FOXO3B: variants seen among roughly 807,000 people sequenced by gnomAD.
FOXO3B encodes forkhead box protein O3B.
Under a neutral mutation model 21.9 loss-of-function variants are expected in FOXO3B, and 15 were observed. The observed-to-expected ratio is 0.68, with a 90% CI of 0.46 to 1.05. The LOEUF is 1.05. Among genes scored for constraint, FOXO3B ranks in the 50% least tolerant of loss-of-function variants. The pLI, the probability that FOXO3B is intolerant of heterozygous loss-of-function variation, is 0.00. For synonymous variants in FOXO3B, 135 were observed against 213.6 expected, an observed-to-expected ratio of 0.63 and a Z score of 3.21; for missense variants, 293 against 435.5, an observed-to-expected ratio of 0.67 and a Z score of 2.91.
At chr17:18,678,953 C>A (rs1338289805) in intron 3 of FOXO3B, among the ~76,000 whole-genome samples, 1 of 151,794 alleles carries the variant, frequency 6.6e-6, no homozygotes, top group Non-Finnish European at 1.5e-5. Context: ...TCAATCCCAG[C>A]ACTTCTGCAA....
intron 3 of FOXO3B, among the ~76,000 whole-genome samples, chr17:18,675,654 G>C (rs969804655): frequency 3.9e-5 from 6 of 152,084 alleles, no homozygotes; most frequent in Non-Finnish European, 4.4e-5. Flanking sequence ...GTAAACCAGA[G>C]AGACAAGAAA....
In FOXO3B at chr17:18,670,786, A is replaced by G. The variant is rs2032349502; in HGVS notation, c.*1523T>C. 6.6e-6 allele frequency among the ~76,000 whole-genome samples: 1 copy of G among 152,198 alleles called. No homozygotes were observed. The highest frequency in any genetic ancestry group is 2.4e-5 in the African/African-American group (1 of 41,442). ...TGGCGTGGGATTCACAAAGGTGTTAAGCTGTAAACGGTATCACTGTCCACT... is the reference window on the plus strand; with the variant it reads ...TGGCGTGGGATTCACAAAGGTGTTAGGCTGTAAACGGTATCACTGTCCACT... On this transcript the variant is annotated 3_prime_UTR_variant, in exon 4 of 4. Transcript: ENST00000395675.
chr17:18,675,704 A>G (rs928036947), intron 3 of FOXO3B, among the ~76,000 whole-genome samples: 7 of 152,244 alleles, frequency 4.6e-5, no homozygotes, highest in Non-Finnish European at 7.4e-5. Context: ...TACCACAGGT[A>G]GCATTACAAA....
Position 18,671,675 on chromosome 17 carries a change from G to A in FOXO3B, c.*634C>T, listed in dbSNP as rs1597494568. 7 of 1,613,874 alleles carry A rather than the reference G, an allele frequency of 4.3e-6. No individual in the cohort carries two copies. In the East Asian group the frequency reaches 1.6e-4, roughly 36 times the overall value. The stretch of plus-strand genomic sequence containing the variant: ...GGGAGCTCAGGCCCGAGCCCTTGGT[G>A]GTATACGGGAAGCTAGAACTCCGCT... On this transcript the variant is annotated 3_prime_UTR_variant, in exon 4 of 4. Coordinates refer to ENST00000395675, the MANE Select transcript of FOXO3B (RefSeq NM_001368135.1).
chr17:18,671,580 T>C lies in FOXO3B; in HGVS notation c.*729A>G. The C allele has an allele frequency of 6.2e-7, 1 of 1,613,244 alleles. No homozygotes were observed. On this transcript the variant is annotated 3_prime_UTR_variant, in exon 4 of 4. Coordinates refer to ENST00000395675, the MANE Select transcript of FOXO3B (RefSeq NM_001368135.1). ...AGCTGGCTTGTTCTCTTGGATGGTC[T>C]GCATGGGAGACTGGCGTAGGGAGTT... is the stretch of plus-strand genomic sequence containing the variant.
chr17:18,674,950 G>A (rs956394143), intron 3 of FOXO3B, among the ~76,000 whole-genome samples: 1 of 152,156 alleles, frequency 6.6e-6, no homozygotes, highest in African/African-American at 2.4e-5. Flanking sequence ...TTCAGTTGAG[G>A]CCTGTACTCC....
rs1321130657 is a variant in FOXO3B at position 18,668,125 on chromosome 17, T to TGA, written c.*4182_*4183dup. 1 of 152,498 alleles carries TGA rather than the reference T, an allele frequency of 6.6e-6. No homozygotes were observed. The highest frequency in any genetic ancestry group is 1.5e-5 in the Non-Finnish European group (1 of 68,306). 9.4% of individuals were successfully genotyped at this position (152,498 alleles called of 1,614,324 possible). A position where few individuals can be genotyped will look rare whatever the true frequency, so the allele number is the denominator to read the frequency against. ...GGGCCCTGGCCTCTCTGCAGGTGGC[T>TGA]GAGGGTGAGGGTGCCGGGACCCTAC... On this transcript the variant is annotated 3_prime_UTR_variant, in exon 4 of 4. Coordinates refer to ENST00000395675, the MANE Select transcript of FOXO3B (RefSeq NM_001368135.1).
At position 18,673,008 on chromosome 17, in the gene FOXO3B, G is replaced by C; in HGVS notation, c.174C>G (p.Val58=). The stretch of plus-strand genomic sequence containing the variant: ...CGGGGTGCAGCGGGGGAGGGACGTG[G>C]ACGCCGCGAAGGCTCCGGCTCCCGG... ...AAPGSRSLRG[V]HVPPPLHPAP... The change falls in exon 4 of 4, where the codon GTC becomes GTG. Residue 58 remains valine, a synonymous_variant. Transcript: ENST00000395675. 6.8e-7 allele frequency: 1 copy of C among 1,467,490 alleles called. No individual in the cohort carries two copies. Among genetic ancestry groups the C allele is most frequent in the South Asian group, 1.3e-5 (1 of 77,714 alleles). 90.9% of individuals were successfully genotyped at this position (1,467,490 alleles called of 1,614,324 possible).
rs1224643672 is a variant in FOXO3B at position 18,668,198 on chromosome 17, G to A, written c.*4111C>T. 2 of 152,224 alleles carry A rather than the reference G, an allele frequency of 1.3e-5. No individual in the cohort carries two copies. Among genetic ancestry groups the A allele is most frequent in the African/African-American group, 4.8e-5 (2 of 41,398 alleles). The allele number at this position is 152,224 out of a possible 1,614,324, so 9.4% of individuals were successfully genotyped here. ...CAGCTGACCCTCTCCAGGGGCTGGT[G>A]GGTCTCGCAGTACTGATGCTGCACT... On this transcript the variant is annotated 3_prime_UTR_variant, in exon 4 of 4. Transcript: ENST00000395675.
Position 18,682,244 on chromosome 17 carries a change from C to A in FOXO3B, c.-236G>T, listed in dbSNP as rs558935597. The A allele has an allele frequency of 3.0e-6, 2 of 669,458 alleles. No homozygotes were observed. Among genetic ancestry groups the A allele is most frequent in the African/African-American group, 3.6e-5 (2 of 55,540 alleles). The allele number at this position is 669,458 out of a possible 1,614,324, so 41.5% of individuals were successfully genotyped here. A position where few individuals can be genotyped will look rare whatever the true frequency, so the allele number is the denominator to read the frequency against. On this transcript the variant is annotated 5_prime_UTR_variant, in exon 1 of 4. Coordinates refer to ENST00000395675, the MANE Select transcript of FOXO3B (RefSeq NM_001368135.1). ...TCACAAAGGGGACGAACTTCTTTGG[C>A]CAGCTCGGAGTCGCGCATGAGTAAG... is the stretch of plus-strand genomic sequence containing the variant.
Position 18,671,823 on chromosome 17 carries a change from C to T in FOXO3B, c.*486G>A. On this transcript the variant is annotated 3_prime_UTR_variant, in exon 4 of 4. Transcript: ENST00000395675. ...TCATGGTGCCTGCCATGTCAGTCAG[C>T]CGTAGCAGTTCCACCGTGCACGGCT... 6.3e-7 allele frequency: 1 copy of T among 1,574,998 alleles called. No individual in the cohort carries two copies. Among genetic ancestry groups the T allele is most frequent in the Admixed American group, 1.7e-5 (1 of 58,966 alleles).
chr17:18,669,565 C>T lies in FOXO3B; in HGVS notation c.*2744G>A, dbSNP rs556661723. 5.9e-5 allele frequency: 9 copies of T among 152,670 alleles called. No homozygotes were observed. The East Asian group carries it at 1.7e-3, about 29-fold the overall frequency. The allele number at this position is 152,670 out of a possible 1,614,324, so 9.5% of individuals were successfully genotyped here. Reference sequence around the variant, plus strand: ...AAGGTAACGAATATAATCACACTTTCCAGGTTAAACAGAAAGCACCTATAC... The same window carrying T: ...AAGGTAACGAATATAATCACACTTTTCAGGTTAAACAGAAAGCACCTATAC... On this transcript the variant is annotated 3_prime_UTR_variant, in exon 4 of 4. Transcript: ENST00000395675.
chr17:18,672,157 C>A lies in FOXO3B; in HGVS notation c.*152G>T, dbSNP rs1401281960. ...GCCACGGCTCTTGGTATACTTGTTG[C>A]TATTGTCCATGGAGACAGCCCGCCG... On this transcript the variant is annotated 3_prime_UTR_variant, in exon 4 of 4. Coordinates refer to ENST00000395675, the MANE Select transcript of FOXO3B (RefSeq NM_001368135.1). This position sits in a 1 kb window ranked among gnomAD's most constrained non-coding sequence, Gnocchi z 4.2. The A allele has an allele frequency of 2.5e-6, 4 of 1,612,770 alleles. No homozygotes were observed. The East Asian group carries it at 8.9e-5, about 36-fold the overall frequency.
chr17:18,679,695 G>A (rs943633741), intron 3 of FOXO3B, among the ~76,000 whole-genome samples: 42 of 152,086 alleles, frequency 2.8e-4, no homozygotes, highest in Non-Finnish European at 3.5e-4. Context: ...TGATCTGCCC[G>A]CCTTAGCCTC....
Position 18,671,868 on chromosome 17 carries a change from G to C in FOXO3B, c.*441C>G, listed in dbSNP as rs2032372253. On this transcript the variant is annotated 3_prime_UTR_variant, in exon 4 of 4. Coordinates refer to ENST00000395675, the MANE Select transcript of FOXO3B (RefSeq NM_001368135.1). ...ACGGCTTGCTTACTGAAGGTGACAG[G>C]CTCGCTGAGCTGCTGTAGAGCATGG... 1.2e-6 allele frequency: 2 copies of C among 1,613,150 alleles called. No individual in the cohort carries two copies. The highest frequency in any genetic ancestry group is 8.5e-7 in the Non-Finnish European group (1 of 1,179,408).
chr17:18,675,882 T>C lies in FOXO3B; in HGVS notation c.127-2827A>G, dbSNP rs750865222. On this transcript the variant is annotated intron_variant, in intron 3 of 3. Coordinates refer to ENST00000395675, the MANE Select transcript of FOXO3B (RefSeq NM_001368135.1). ...CTTTCTGACACTGGGATAAAGTAGA[T>C]AGACAATTCACAAAAAGCAATATTT... Among the ~76,000 whole-genome samples, 15 of 152,140 alleles carry C rather than the reference T, an allele frequency of 9.9e-5. 1 individual carries two copies. Among genetic ancestry groups the C allele is most frequent in the Non-Finnish European group, 1.8e-4 (12 of 68,010 alleles).
chr17:18,676,045 T>C (rs2032477259), intron 3 of FOXO3B, among the ~76,000 whole-genome samples: 1 of 152,138 alleles, frequency 6.6e-6, no homozygotes, highest in Non-Finnish European at 1.5e-5. Context: ...GTACCTAAAA[T>C]ACATGAAGAA....
At chr17:18,675,535 G>A (rs996586491) in intron 3 of FOXO3B, among the ~76,000 whole-genome samples, 13 of 151,954 alleles carry the variant, frequency 8.6e-5, no homozygotes, top group African/African-American at 2.9e-4. Context: ...ATATTCAAAA[G>A]TATAACTTTT....
At chr17:18,678,507 G>T (rs2032531523) in intron 3 of FOXO3B, among the ~76,000 whole-genome samples, 4 of 151,572 alleles carry the variant, frequency 2.6e-5, no homozygotes, top group African/African-American at 9.7e-5. Context: ...TTACATTGAA[G>T]AACTAAAACT....
Sources: gnomAD v4.1 joint callset for allele counts (sites outside exome capture counted in the v4.1 genomes callset) on GRCh38, gnomAD v4.1.1 for gene constraint, Gnocchi (gnomAD v3.1) non-coding constraint, MANE v1.5 for transcripts, NCBI Gene and HGNC (gene_info 2026-07-23, HGNC 2026-07-21) for gene names.